WIZ: variants seen among roughly 807,000 people sequenced by gnomAD.
WIZ encodes the protein protein Wiz.
A neutral mutation model predicts 140.2 loss-of-function variants in WIZ; 25 were observed. The observed-to-expected ratio is 0.18, with a 90% CI of 0.13 to 0.25. WIZ has a LOEUF of 0.25. WIZ is among the 10% of genes least tolerant of loss of function. The pLI, the probability that WIZ is intolerant of heterozygous loss-of-function variation, is 1.00. For synonymous variants in WIZ, 1,125 were observed against 1,154.3 expected, an observed-to-expected ratio of 0.97 and a Z score of 0.51; for missense variants, 2,231 against 2,632.6, an observed-to-expected ratio of 0.85 and a Z score of 3.34.
In WIZ at chr19:15,432,337, G is replaced by GT. The variant is rs1386199229; in HGVS notation, c.2741-1156dup. ...ACTAAAGGGCCTGGGGGAGGGGGGG[G>GT]TCCCGCAGACTGGACGGAAGGCGTC... On this transcript the variant is annotated intron_variant, in intron 5 of 12. Coordinates refer to ENST00000673675, the MANE Select transcript of WIZ (RefSeq NM_001371589.1). 193 of 657,708 alleles carry GT rather than the reference G, an allele frequency of 2.9e-4. 1 individual carries two copies. The highest frequency in any genetic ancestry group is 2.6e-3 in the African/African-American group (130 of 50,108). The allele number at this position is 657,708 out of a possible 1,614,324, so 40.7% of individuals were successfully genotyped here. A position where few individuals can be genotyped will look rare whatever the true frequency, so the allele number is the denominator to read the frequency against.
At position 15,440,237 on chromosome 19, in the gene WIZ, C is replaced by T; in HGVS notation, c.757G>A (p.Gly253Ser). 2 of 1,498,566 alleles carry T rather than the reference C, an allele frequency of 1.3e-6. No individual in the cohort carries two copies. Among genetic ancestry groups the T allele is most frequent in the Non-Finnish European group, 8.9e-7 (1 of 1,128,364 alleles). 92.8% of individuals were successfully genotyped at this position (1,498,566 alleles called of 1,614,324 possible). ...ACCTCCGAGGCTGACGTGGGTAGGC[C>T]CCACTCGGACGGCTGGGCCAGCCCC... Reference protein sequence around the residue: ...LEGLAQPSEWGLPTSASEVAT... With the variant: ...LEGLAQPSEWSLPTSASEVAT... Residue 253 changes from glycine to serine, a missense_variant, in exon 4 of 13, where the codon GGC (glycine) becomes AGC (serine). Physicochemically the swap from Gly to Ser is moderately conservative, Grantham distance 56. Around this residue, in one of 15 missense-constraint regions of WIZ, gnomAD observed 307 missense variants for 294.1 expected, o/e 1.04. Coordinates refer to ENST00000673675, the MANE Select transcript of WIZ (RefSeq NM_001371589.1). The surrounding 1 kb of genome is among the most constrained non-coding windows in gnomAD (Gnocchi z 6.2).
intron 12 of WIZ, among the ~76,000 whole-genome samples, chr19:15,423,499 G>C (rs1968505951): frequency 6.6e-6 from 1 of 152,146 alleles, no homozygotes; most frequent in Non-Finnish European, 1.5e-5. Context: ...TGGCTTCCAG[G>C]TACCCCTGCC....
intron 5 of WIZ, 37 bp from the exon 6 acceptor site, chr19:15,431,219 T>C: frequency 1.4e-6 from 2 of 1,479,410 alleles, no homozygotes; most frequent in Non-Finnish European, 1.8e-6. Context: ...CCAGACAAAT[T>C]TCAGGCTGTC....
Position 15,423,171 on chromosome 19 carries a change from G to T in WIZ, c.5575C>A (p.Arg1859=). 6.2e-7 allele frequency: 1 copy of T among 1,613,670 alleles called. No homozygotes were observed. Among genetic ancestry groups the T allele is most frequent in the South Asian group, 1.1e-5 (1 of 91,064 alleles). The change falls in exon 13 of 13, where the codon CGG becomes AGG. Residue 1859 remains arginine, a synonymous_variant. Transcript: ENST00000673675. ...GAGAAGTTCATCTCCAGGATGTGCC[G>T]CTGTAAGTGCCGCACCCACTCTTCC... is the stretch of plus-strand genomic sequence containing the variant. ...IQEEWVRHLQ[R]HILEMNFSKA...
rs777560745 is a variant in WIZ, at chr19:15,440,061, CTCCTCG to C, written c.927_932del (p.Asp309_Glu310del). On this transcript the variant is annotated inframe_deletion, in exon 4 of 13. Coordinates refer to ENST00000673675, the MANE Select transcript of WIZ (RefSeq NM_001371589.1). This position sits in a 1 kb window ranked among gnomAD's most constrained non-coding sequence, Gnocchi z 6.2. Reference sequence around the variant, plus strand: ...ACTCGATGCATGGGAACACGGCCGGCTCCTCGTCCTCGTCCTCATCTGGGCTGGCCA... The same window carrying C: ...ACTCGATGCATGGGAACACGGCCGGCTCCTCGTCCTCATCTGGGCTGGCCA... 10 of 1,535,832 alleles carry C rather than the reference CTCCTCG, an allele frequency of 6.5e-6. No homozygotes were observed. Among genetic ancestry groups the C allele is most frequent in the Middle Eastern group, 1.7e-4 (1 of 5,988 alleles).
intron 2 of WIZ, among the ~76,000 whole-genome samples, chr19:15,444,639 G>C (rs1038435761): frequency 3.3e-5 from 5 of 152,202 alleles, no homozygotes; most frequent in African/African-American, 9.7e-5. Context: ...CTGGGTGCAA[G>C]GGCTGGTTTT....
In WIZ at chr19:15,421,171, A is replaced by C. The variant is rs1968354782; in HGVS notation, c.*1905T>G. ...TTATGAAAAGTTGAAAGAGGAAGAA[A>C]CACCTTTGAGTCAGCTCACAAGATG... On this transcript the variant is annotated 3_prime_UTR_variant, in exon 13 of 13. Coordinates refer to ENST00000673675, the MANE Select transcript of WIZ (RefSeq NM_001371589.1). 1 of 152,266 alleles carries C rather than the reference A, an allele frequency of 6.6e-6. No individual in the cohort carries two copies. 9.4% of individuals were successfully genotyped at this position (152,266 alleles called of 1,614,324 possible).
rs1178496739 is a variant in WIZ at position 15,442,545 on chromosome 19, G to A, written c.278+131C>T. The A allele has an allele frequency of 4.4e-6, 3 of 674,182 alleles. No homozygotes were observed. 41.8% of individuals were successfully genotyped at this position (674,182 alleles called of 1,614,324 possible). A position where few individuals can be genotyped will look rare whatever the true frequency, so the allele number is the denominator to read the frequency against. ...CCCAGGGGCTTGCCTGCCGGGAGCT[G>A]ACTCCTCCTCCTGCCTGGCCTCCTG... On this transcript the variant is annotated intron_variant, in intron 3 of 12. Transcript: ENST00000673675. The surrounding 1 kb of genome is among the most constrained non-coding windows in gnomAD (Gnocchi z 5.5).
chr19:15,438,476 G>A, intron 4 of WIZ, 102 bp downstream of exon 4: 1 of 1,307,190 alleles, frequency 7.6e-7, no homozygotes, highest in South Asian at 1.6e-5. Flanking sequence ...AGGAGCAGAG[G>A]CCCCAGTGTC....
In WIZ at chr19:15,425,411, G is replaced by A. The variant is rs775345511; in HGVS notation, c.4724C>T (p.Thr1575Met). The change falls in exon 10 of 13, where the codon ACG becomes ATG. Residue 1575 changes from threonine to methionine, a missense_variant. Physicochemically the swap from Thr to Met is moderately conservative, Grantham distance 81. Transcript: ENST00000673675. ...PAQVPRELSLTPITGAKPSAT... is the reference protein window; with the variant it reads ...PAQVPRELSLMPITGAKPSAT... ...TGAGGGCTTGGCCCCAGTGATGGGC[G>A]TCAGGCTGAGCTCACGAGGAACCTG... 232 of 1,558,502 alleles carry A rather than the reference G, an allele frequency of 1.5e-4. 1 individual carries two copies. The highest frequency in any genetic ancestry group is 2.3e-4 in the South Asian group (20 of 85,572).
chr19:15,441,617 C>T (rs984510103), intron 3 of WIZ, among the ~76,000 whole-genome samples: 29 of 152,250 alleles, frequency 1.9e-4, no homozygotes, highest in African/African-American at 6.5e-4. Context: ...GATCGGTTCT[C>T]CCTTCCTTTT....
chr19:15,431,862 A>G (rs1338846238), intron 5 of WIZ, among the ~76,000 whole-genome samples: 1 of 152,248 alleles, frequency 6.6e-6, no homozygotes, highest in Admixed American at 6.5e-5. Flanking sequence ...AGTGTGTGGC[A>G]GAGGGAACCA....
chr19:15,435,532 T>A (rs565128203), intron 5 of WIZ, among the ~76,000 whole-genome samples: 14 of 152,204 alleles, frequency 9.2e-5, no homozygotes, highest in Non-Finnish European at 2.1e-4. Flanking sequence ...AAGCAAACAT[T>A]GGTTGAAAAT....
At position 15,425,254 on chromosome 19, in the gene WIZ, C is replaced by G; in HGVS notation, c.4881G>C (p.Lys1627Asn). The G allele has an allele frequency of 6.9e-6, 11 of 1,583,682 alleles. No homozygotes were observed. Among genetic ancestry groups the G allele is most frequent in the Non-Finnish European group, 9.4e-6 (11 of 1,166,010 alleles). ...CCCGCTGCTTACAGGAGTGGGAGGT[C>G]TTCTCATGAAGGGTCTTTGCCTTGA... ...LPFKAKTLHE[K>N]TSHSSTEACC... The change falls in exon 10 of 13, where the codon AAG (lysine) becomes AAC (asparagine). Residue 1627 changes from lysine to asparagine, a missense_variant. Transcript: ENST00000673675.
chr19:15,441,475 T>C (rs1456756953), intron 3 of WIZ, among the ~76,000 whole-genome samples: 1 of 152,224 alleles, frequency 6.6e-6, no homozygotes, highest in Non-Finnish European at 1.5e-5. Context: ...GGTGCTTCTT[T>C]AAATGCTCAC....
In WIZ at chr19:15,428,304, C is replaced by T; in HGVS notation, c.3620G>A (p.Gly1207Asp). Residue 1207 changes from glycine (G) to aspartate (D), a missense_variant, in exon 8 of 13, where the codon GGC becomes GAC. Transcript: ENST00000673675. The surrounding 1 kb of genome is among the most constrained non-coding windows in gnomAD (Gnocchi z 6.4). ...GVQIRLPPRR[G>D]ALAHPGRPPP... ...CGGCCGCCCCGGGTGGGCCAGGGCGCCGCGCCTGGGTGGGAGGCGGATCTG... is the reference window on the plus strand; with the variant it reads ...CGGCCGCCCCGGGTGGGCCAGGGCGTCGCGCCTGGGTGGGAGGCGGATCTG... 3 of 1,532,078 alleles carry T rather than the reference C, an allele frequency of 2.0e-6. No homozygotes were observed. Among genetic ancestry groups the T allele is most frequent in the Non-Finnish European group, 2.6e-6 (3 of 1,145,300 alleles). 94.9% of individuals were successfully genotyped at this position (1,532,078 alleles called of 1,614,324 possible).
chr19:15,436,686 G>C, intron 5 of WIZ, 120 bp downstream of exon 5: 3 of 1,066,668 alleles, frequency 2.8e-6, no homozygotes, highest in Non-Finnish European at 3.8e-6. Flanking sequence ...AACATACTTT[G>C]TAAAGTGACT....
At chr19:15,448,684 G>A (rs549945668) in intron 1 of WIZ, among the ~76,000 whole-genome samples, 3 of 151,994 alleles carry the variant, frequency 2.0e-5, no homozygotes, top group South Asian at 2.1e-4. Context: ...TTCTCCAGAC[G>A]CCTCCCTTCA....
rs1313271026 is a variant in WIZ at position 15,424,129 on chromosome 19, G to C, written c.5510+54C>G. The C allele has an allele frequency of 7.0e-7, 1 of 1,419,310 alleles. No individual in the cohort carries two copies. The highest frequency in any genetic ancestry group is 1.5e-5 in the African/African-American group (1 of 67,484). 87.9% of individuals were successfully genotyped at this position (1,419,310 alleles called of 1,614,324 possible). A position where few individuals can be genotyped will look rare whatever the true frequency, so the allele number is the denominator to read the frequency against. ...AAACCCTATCCTGTTCCAAGGCTCCGGGTGACCAAGGTCCACTCAGGTGGT... is the reference window on the plus strand; with the variant it reads ...AAACCCTATCCTGTTCCAAGGCTCCCGGTGACCAAGGTCCACTCAGGTGGT... On this transcript the variant is annotated intron_variant, in intron 12 of 12. Coordinates refer to ENST00000673675, the MANE Select transcript of WIZ (RefSeq NM_001371589.1). This position sits in a 1 kb window ranked among gnomAD's most constrained non-coding sequence, Gnocchi z 9.7.
Sources: allele counts gnomAD v4.1 joint callset (sites outside exome capture counted in the v4.1 genomes callset), GRCh38; gene constraint gnomAD v4.1.1; regional missense constraint gnomAD v4.1.1; non-coding constraint Gnocchi (gnomAD v3.1); transcripts MANE v1.5; gene names NCBI Gene and HGNC (gene_info 2026-07-23, HGNC 2026-07-21).